Variants in SRGAP1 observed in about 807,000 individuals in gnomAD.
SRGAP1 encodes the protein SLIT-ROBO Rho GTPase-activating protein 1.
In SRGAP1, 43 loss-of-function variants were observed where a neutral mutation model predicts 121.9. The observed-to-expected ratio is 0.35, with a 90% CI of 0.28 to 0.46. The LOEUF is 0.46. Among genes scored for constraint, SRGAP1 ranks in the 20% least tolerant of loss-of-function variants. The probability of loss-of-function intolerance (pLI) is 1.00; values close to 1 mark genes in which losing one functional copy is unlikely to be tolerated. For synonymous variants in SRGAP1, 447 were observed against 485.4 expected (o/e 0.92, Z 1.04); for missense variants, 1,102 against 1,350.9 (o/e 0.82, Z 2.89).
chr12:63,943,037 G>A lies in SRGAP1; in HGVS notation c.68-40910G>A, dbSNP rs561247815. 2.6e-5 allele frequency among the ~76,000 whole-genome samples: 4 copies of A among 152,238 alleles called. No homozygotes were observed. In the South Asian group the frequency reaches 6.2e-4, roughly 24 times the overall value. On this transcript the variant is annotated intron_variant, in intron 1 of 21. Transcript: ENST00000355086. ...TTAATCCCAAGTTCGTATGTTTCTC[G>A]AAAGTTTCAGAAAGGGAAGCTCAGT...
At chr12:64,100,263 C>T (rs1398851039) in intron 15 of SRGAP1, among the ~76,000 whole-genome samples, 5 of 152,150 alleles carry the variant, frequency 3.3e-5, no homozygotes, top group East Asian at 1.9e-4. Flanking sequence ...AATTAACTCA[C>T]GTGAATTTAG....
At chr12:64,038,548 C>T (rs111541982) in intron 4 of SRGAP1, 1 of 152,248 alleles carries the variant, frequency 6.6e-6, no homozygotes, top group South Asian at 2.1e-4. Flanking sequence ...ATAGTGATTT[C>T]TTAACACGAA....
rs544917256 is a variant in SRGAP1, at chr12:63,901,472, T to C, written c.67+56589T>C. On this transcript the variant is annotated intron_variant, in intron 1 of 21. Transcript: ENST00000355086. The stretch of plus-strand genomic sequence containing the variant: ...CCTTCCCCTGTAATCTGAATTCTAC[T>C]TGTGCTTTAAAGCTGAGCAAAATGT... 1.4e-4 allele frequency among the ~76,000 whole-genome samples: 22 copies of C among 152,330 alleles called. No individual in the cohort carries two copies. The South Asian group carries it at 4.4e-3, about 30-fold the overall frequency.
chr12:63,849,565 A>G (rs1357545766), intron 1 of SRGAP1, among the ~76,000 whole-genome samples: 1 of 152,232 alleles, frequency 6.6e-6, no homozygotes, highest in Non-Finnish European at 1.5e-5. Context: ...AGCCTGACAT[A>G]CAAATAATAC....
intron 1 of SRGAP1, among the ~76,000 whole-genome samples, chr12:63,946,563 A>G (rs1592969891): frequency 6.8e-6 from 1 of 147,042 alleles, no homozygotes; most frequent in South Asian, 2.1e-4. Flanking sequence ...TTTTTGAGAC[A>G]GAGTCTCACT....
Position 63,860,980 on chromosome 12 carries a change from C to G in SRGAP1, c.67+16097C>G, listed in dbSNP as rs372608156. Among the ~76,000 whole-genome samples, 3 of 152,084 alleles carry G rather than the reference C, an allele frequency of 2.0e-5. No individual in the cohort carries two copies. The East Asian group carries it at 5.8e-4, about 29-fold the overall frequency. ...CCTCTTGAGTAACTGGGAGTGCAGGCGCAGACCGCCAAGCCTGGCCCTTTT... is the reference window on the plus strand; with the variant it reads ...CCTCTTGAGTAACTGGGAGTGCAGGGGCAGACCGCCAAGCCTGGCCCTTTT... On this transcript the variant is annotated intron_variant, in intron 1 of 21. Transcript: ENST00000355086.
intron 15 of SRGAP1, among the ~76,000 whole-genome samples, chr12:64,104,354 A>G (rs945626446): frequency 3.9e-5 from 6 of 152,196 alleles, no homozygotes; most frequent in African/African-American, 1.4e-4. Context: ...TTACCTAATT[A>G]CATGAGACCT....
intron 3 of SRGAP1, among the ~76,000 whole-genome samples, chr12:64,005,663 T>C (rs369668563): frequency 6.6e-6 from 1 of 151,512 alleles, no homozygotes; most frequent in East Asian, 1.9e-4. Context: ...AAAATAAAAA[T>C]AAAAAAAAGT....
chr12:63,975,487 T>TA (rs1458751319), intron 1 of SRGAP1, among the ~76,000 whole-genome samples: 1 of 152,232 alleles, frequency 6.6e-6, no homozygotes, highest in Non-Finnish European at 1.5e-5. Context: ...AACCATTGAA[T>TA]AAGTGAAATT....
At chr12:63,851,568 T>C (rs1163016224) in intron 1 of SRGAP1, among the ~76,000 whole-genome samples, 2 of 151,860 alleles carry the variant, frequency 1.3e-5, no homozygotes, top group African/African-American at 2.4e-5. Context: ...CTTACCTTGT[T>C]GTCTTCTTTT....
chr12:64,062,809 C>T (rs1307716512), intron 6 of SRGAP1, 108 bp from the exon 7 acceptor site: 2 of 739,558 alleles, frequency 2.7e-6, no homozygotes, highest in Non-Finnish European at 4.4e-6. Flanking sequence ...GTCATGAAAG[C>T]TTACCCCCAT....
chr12:64,109,347 A>G (rs757295606), intron 16 of SRGAP1, among the ~76,000 whole-genome samples: 7 of 152,118 alleles, frequency 4.6e-5, no homozygotes, highest in Non-Finnish European at 1.0e-4. Context: ...CAAAACTGTC[A>G]TGAATGTTTT....
chr12:63,960,566 C>T (rs1204545846), intron 1 of SRGAP1, among the ~76,000 whole-genome samples: 1 of 152,118 alleles, frequency 6.6e-6, no homozygotes, highest in Non-Finnish European at 1.5e-5. Flanking sequence ...ACTCAATAAC[C>T]TGTGGTAGGC....
At chr12:63,873,842 A>C (rs1899939634) in intron 1 of SRGAP1, among the ~76,000 whole-genome samples, 1 of 151,450 alleles carries the variant, frequency 6.6e-6, no homozygotes, top group Non-Finnish European at 1.5e-5. Context: ...CAACCTGGTA[A>C]CGTGACGAAA....
intron 1 of SRGAP1, chr12:63,983,390 T>G (rs1375437566): frequency 6.6e-6 from 1 of 152,188 alleles, no homozygotes; most frequent in Admixed American, 6.5e-5. Flanking sequence ...TCATGGCTCG[T>G]TGTGTGTTTG....
intron 21 of SRGAP1, 140 bp from the exon 22 acceptor site, chr12:64,142,155 T>G: frequency 1.2e-6 from 1 of 813,078 alleles, no homozygotes; most frequent in Non-Finnish European, 1.9e-6. Flanking sequence ...GGCATAATGT[T>G]TACATATTCT....
chr12:63,907,026 A>C (rs1242915458), intron 1 of SRGAP1, among the ~76,000 whole-genome samples: 4 of 152,144 alleles, frequency 2.6e-5, no homozygotes, highest in Non-Finnish European at 5.9e-5. Flanking sequence ...GTGTTCCCAC[A>C]GCAGTATGTG....
At chr12:63,858,890 AC>A (rs1485328774) in intron 1 of SRGAP1, among the ~76,000 whole-genome samples, 2 of 151,874 alleles carry the variant, frequency 1.3e-5, no homozygotes, top group Admixed American at 6.6e-5. Flanking sequence ...TTTAGTAGAG[AC>A]AGGGTTTTGC....
intron 6 of SRGAP1, among the ~76,000 whole-genome samples, chr12:64,048,991 A>G (rs1468888312): frequency 1.3e-5 from 2 of 152,092 alleles, no homozygotes; most frequent in South Asian, 2.1e-4. Flanking sequence ...TGCTGCACAG[A>G]AGCTTTTTAA....
Sources: allele counts gnomAD v4.1 joint callset (sites outside exome capture counted in the v4.1 genomes callset), GRCh38; gene constraint gnomAD v4.1.1; transcripts MANE v1.5; gene names NCBI Gene and HGNC (gene_info 2026-07-23, HGNC 2026-07-21).